Variants in DLG2 observed in about 807,000 individuals in gnomAD.
DLG2 encodes the protein discs large MAGUK scaffold protein 2.
Under a neutral mutation model 132.5 loss-of-function variants are expected in DLG2, and 45 were observed. The observed-to-expected ratio is 0.34, with a 90% confidence interval of 0.27 to 0.44. The LOEUF (loss-of-function observed/expected upper bound fraction) is 0.44, where lower values mean the gene tolerates loss of function less well. Ranked by LOEUF, DLG2 falls within the 20% of genes least tolerant of loss-of-function variation. The probability of loss-of-function intolerance (pLI) is 1.00; values close to 1 mark genes in which losing one functional copy is unlikely to be tolerated. For missense variants in DLG2, 1,045 were observed against 1,196.9 expected (o/e 0.87, Z 1.87); for synonymous variants, 424 against 419.6 (o/e 1.01, Z -0.13).
intron 3 of DLG2, among the ~76,000 whole-genome samples, chr11:85,483,331 A>G (rs965143341): frequency 6.6e-6 from 1 of 152,218 alleles, no homozygotes; most frequent in African/African-American, 2.4e-5. Flanking sequence ...AAGTGTAAAA[A>G]ATTTTTTTTA....
chr11:84,265,001 A>G (rs1042404063), intron 7 of DLG2, among the ~76,000 whole-genome samples: 1 of 152,212 alleles, frequency 6.6e-6, no homozygotes, highest in African/African-American at 2.4e-5. Context: ...CTAATTTTGA[A>G]TATCATAAAA....
intron 21 of DLG2, among the ~76,000 whole-genome samples, chr11:83,516,479 A>G (rs946671295): frequency 3.9e-5 from 6 of 152,234 alleles, no homozygotes; most frequent in Non-Finnish European, 5.9e-5. Flanking sequence ...TGTTTATCCA[A>G]TTTGCCAGTC....
chr11:85,030,818 T>C (rs1854489592), intron 6 of DLG2, among the ~76,000 whole-genome samples: 1 of 152,146 alleles, frequency 6.6e-6, no homozygotes, highest in Non-Finnish European at 1.5e-5. Flanking sequence ...ATTCATTTTA[T>C]TGTTCCTTTT....
chr11:84,804,786 GAGAGC>G (rs1420113675), intron 6 of DLG2, among the ~76,000 whole-genome samples: 1 of 152,146 alleles, frequency 6.6e-6, no homozygotes. Context: ...AAGACCAAAT[GAGAGC>G]CTGGAGTTGT....
At chr11:85,089,596 T>C (rs963150763) in intron 6 of DLG2, among the ~76,000 whole-genome samples, 1 of 152,198 alleles carries the variant, frequency 6.6e-6, no homozygotes, top group African/African-American at 2.4e-5. Context: ...AACATACAAA[T>C]GCATGTGTCT....
At chr11:84,445,152 C>T (rs562840621) in intron 7 of DLG2, among the ~76,000 whole-genome samples, 2 of 152,126 alleles carry the variant, frequency 1.3e-5, no homozygotes, top group African/African-American at 4.8e-5. Flanking sequence ...ATAGTAGTTA[C>T]ATTCCCCACC....
At chr11:83,719,764 C>A (rs2087828951) in intron 18 of DLG2, among the ~76,000 whole-genome samples, 1 of 152,050 alleles carries the variant, frequency 6.6e-6, no homozygotes, top group South Asian at 2.1e-4. Flanking sequence ...GCAAAAATAT[C>A]AAAACTATAG....
intron 21 of DLG2, among the ~76,000 whole-genome samples, chr11:83,510,830 G>GTTTTTTT (rs566973328): frequency 3.4e-5 from 3 of 88,788 alleles, no homozygotes; most frequent in African/African-American, 4.5e-5. Context: ...TGAACCATCC[G>GTTTTTTT]TTTTTTTTTT....
At chr11:83,744,231 C>A (rs2092745719) in intron 18 of DLG2, among the ~76,000 whole-genome samples, 1 of 152,280 alleles carries the variant, frequency 6.6e-6, no homozygotes, top group South Asian at 2.1e-4. Flanking sequence ...TGACTTTGAT[C>A]CAGCAGCTGC....
Position 83,641,599 on chromosome 11 carries a change from T to C in DLG2, c.1826-8274A>G, listed in dbSNP as rs962234502. 2.0e-5 allele frequency among the ~76,000 whole-genome samples: 3 copies of C among 152,212 alleles called. No individual in the cohort carries two copies. In the South Asian group the frequency reaches 6.2e-4, roughly 32 times the overall value. On this transcript the variant is annotated intron_variant, in intron 18 of 27. Coordinates refer to ENST00000376104, the MANE Select transcript of DLG2 (RefSeq NM_001142699.3). ...GTCATCCTGTCAGGAAGGACGTCAT[T>C]AGGAACTATTTGAGGAGCGTGGCTC...
chr11:85,344,855 A>T (rs1350414106), intron 3 of DLG2, among the ~76,000 whole-genome samples: 1 of 151,988 alleles, frequency 6.6e-6, no homozygotes, highest in Non-Finnish European at 1.5e-5. Flanking sequence ...TCATTACTTC[A>T]TTACAGAATT....
chr11:84,830,951 TC>T (rs373545430), intron 6 of DLG2, among the ~76,000 whole-genome samples: 1 of 60,376 alleles, frequency 1.7e-5, no homozygotes, highest in African/African-American at 5.0e-5. Flanking sequence ...CTCTCTCTCC[TC>T]CCCCCACCCC....
chr11:85,165,982 T>G (rs550229615), intron 4 of DLG2, among the ~76,000 whole-genome samples: 1 of 152,298 alleles, frequency 6.6e-6, no homozygotes, highest in South Asian at 2.1e-4. Context: ...ACATCTTTAC[T>G]GCCCACTCAT....
At chr11:84,191,738 A>G (rs1410246602) in intron 8 of DLG2, among the ~76,000 whole-genome samples, 2 of 152,230 alleles carry the variant, frequency 1.3e-5, no homozygotes, top group Non-Finnish European at 2.9e-5. Context: ...CAGTTAATAA[A>G]TAATCATTGA....
At position 83,459,099 on chromosome 11, in the gene DLG2, T is replaced by A. The variant is rs535921557; in HGVS notation, c.*719A>T. On this transcript the variant is annotated 3_prime_UTR_variant, in exon 28 of 28. Coordinates refer to ENST00000376104, the MANE Select transcript of DLG2 (RefSeq NM_001142699.3). ...GAAATTTGTTTCTATACATTTAATA[T>A]ATTTTTATTGTATAAATTATTCTCA... 1 of 150,506 alleles carries A rather than the reference T, an allele frequency of 6.6e-6. No homozygotes were observed. Among genetic ancestry groups the A allele is most frequent in the Non-Finnish European group, 1.5e-5 (1 of 68,036 alleles). 9.3% of individuals were successfully genotyped at this position (150,506 alleles called of 1,614,324 possible). A position where few individuals can be genotyped will look rare whatever the true frequency, so the allele number is the denominator to read the frequency against.
At chr11:84,289,760 T>G (rs1337976423) in intron 7 of DLG2, among the ~76,000 whole-genome samples, 1 of 152,166 alleles carries the variant, frequency 6.6e-6, no homozygotes, top group Non-Finnish European at 1.5e-5. Flanking sequence ...GAAATAGTTC[T>G]GAAAGACTAA....
rs193022092 is a variant in DLG2 at position 84,792,021 on chromosome 11, G to C, written c.358-257290C>G. ...TCCTTATCATGTTGCAGATCTTAGA[G>C]GAAAGGCTTTCAGTTTTTCCCCATT... On this transcript the variant is annotated intron_variant, in intron 6 of 27. Transcript: ENST00000376104. Among the ~76,000 whole-genome samples, 316 of 152,230 alleles carry C rather than the reference G, an allele frequency of 2.1e-3. 3 individuals are homozygous for C. The highest frequency in any genetic ancestry group is 3.2e-3 in the Non-Finnish European group (220 of 67,994).
intron 6 of DLG2, among the ~76,000 whole-genome samples, chr11:84,697,075 G>A (rs989413722): frequency 4.0e-5 from 6 of 151,344 alleles, no homozygotes; most frequent in African/African-American, 1.5e-4. Flanking sequence ...GGCAACGGGA[G>A]AGATAAAAGT....
intron 9 of DLG2, among the ~76,000 whole-genome samples, chr11:84,104,137 A>C (rs2092733467): frequency 6.6e-6 from 1 of 152,108 alleles, no homozygotes; most frequent in African/African-American, 2.4e-5. Context: ...GAGTCATTAA[A>C]ATTGTAGTGC....
Sources: allele counts gnomAD v4.1 joint callset (sites outside exome capture counted in the v4.1 genomes callset), GRCh38; gene constraint gnomAD v4.1.1; transcripts MANE v1.5; gene names NCBI Gene and HGNC (gene_info 2026-07-23, HGNC 2026-07-21).